The following WDR47 variants were observed in gnomAD, a reference collection of about 807,000 sequenced individuals.
WDR47 encodes the protein WD repeat domain 47.
Under a neutral mutation model 97.2 loss-of-function variants are expected in WDR47, and 32 were observed. The ratio of observed to expected loss-of-function variants is 0.33; its 90% CI spans 0.25 to 0.44. The LOEUF is 0.44. Ranked by LOEUF, WDR47 falls within the 20% of genes least tolerant of loss-of-function variation. WDR47 has a pLI of 1.00. For missense variants in WDR47, 782 were observed against 1,102.3 expected, an observed-to-expected ratio of 0.71 and a Z score of 4.11; for synonymous variants, 375 against 373.5, an observed-to-expected ratio of 1.00 and a Z score of -0.05.
At chr1:109,012,288 C>A (rs17838315) in intron 4 of WDR47, among the ~76,000 whole-genome samples, 5,577 of 151,968 alleles carry the variant, frequency 0.037, 122 homozygotes, top group Admixed American at 0.057. Context: ...GATAGAAAGT[C>A]AAGAAAAGGG....
chr1:109,037,621 C>T (rs1327025355), intron 1 of WDR47, among the ~76,000 whole-genome samples: 10 of 128,512 alleles, frequency 7.8e-5, no homozygotes, highest in African/African-American at 1.6e-4. Context: ...AGCGAGACCT[C>T]GTCTCAAAAA....
chr1:109,015,158 G>A (rs569981299), intron 3 of WDR47, among the ~76,000 whole-genome samples: 79 of 152,174 alleles, frequency 5.2e-4, no homozygotes, highest in African/African-American at 1.6e-3. Flanking sequence ...ATGTACAAAC[G>A]CAAAGAAATA....
intron 2 of WDR47, among the ~76,000 whole-genome samples, chr1:109,021,233 T>C (rs554113730): frequency 1.3e-5 from 2 of 152,226 alleles, no homozygotes; most frequent in East Asian, 1.9e-4. Flanking sequence ...ATCCAATATA[T>C]AGAAAAAGTC....
chr1:109,036,694 G>C (rs1357651948), intron 1 of WDR47, among the ~76,000 whole-genome samples: 1 of 151,822 alleles, frequency 6.6e-6, no homozygotes, highest in African/African-American at 2.4e-5. Flanking sequence ...AAATTAGCTG[G>C]GCGTGGTGGC....
chr1:108,978,286 T>C (rs888859561), intron 13 of WDR47, among the ~76,000 whole-genome samples: 1 of 151,540 alleles, frequency 6.6e-6, no homozygotes, highest in Non-Finnish European at 1.5e-5. Context: ...CCATCCTGGC[T>C]AACATGGTGA....
At chr1:108,995,284 A>G (rs2101876491) in intron 8 of WDR47, among the ~76,000 whole-genome samples, 1 of 152,360 alleles carries the variant, frequency 6.6e-6, no homozygotes, top group East Asian at 1.9e-4. Context: ...AAAAAAGAAA[A>G]TCAAGATTTA....
chr1:109,028,802 A>G (rs988387840), intron 1 of WDR47, among the ~76,000 whole-genome samples: 2 of 152,048 alleles, frequency 1.3e-5, no homozygotes, highest in African/African-American at 2.4e-5. Flanking sequence ...AATTAATTTA[A>G]TATGTATTTA....
At chr1:109,010,330 G>A (rs1187328032) in intron 5 of WDR47, among the ~76,000 whole-genome samples, 1 of 152,194 alleles carries the variant, frequency 6.6e-6, no homozygotes, top group Non-Finnish European at 1.5e-5. Flanking sequence ...GCCAAGGCAG[G>A]ATGATTGCTT....
At chr1:109,030,105 G>A in intron 1 of WDR47, 1 of 1,020,404 alleles carries the variant, frequency 9.8e-7, no homozygotes, top group Non-Finnish European at 1.4e-6. Context: ...CTCCCCAGAA[G>A]AAGAGAAGAA....
At chr1:109,036,410 A>G (rs1320186743) in intron 1 of WDR47, among the ~76,000 whole-genome samples, 2 of 151,914 alleles carry the variant, frequency 1.3e-5, no homozygotes, top group African/African-American at 2.4e-5. Context: ...CGTCTCTACT[A>G]AAAATACAAA....
At chr1:109,021,532 A>AC (rs1190657496) in intron 2 of WDR47, among the ~76,000 whole-genome samples, 1 of 151,620 alleles carries the variant, frequency 6.6e-6, no homozygotes, top group African/African-American at 2.4e-5. Context: ...TATCTCAAAA[A>AC]AAAAAAAAAA....
chr1:109,023,896 C>T (rs1662024758), intron 1 of WDR47, among the ~76,000 whole-genome samples: 2 of 152,158 alleles, frequency 1.3e-5, no homozygotes, highest in Non-Finnish European at 2.9e-5. Flanking sequence ...TCTACTCCTA[C>T]ATGTTTAAAA....
At chr1:109,020,410 G>A (rs554101099) in intron 2 of WDR47, among the ~76,000 whole-genome samples, 7 of 151,724 alleles carry the variant, frequency 4.6e-5, no homozygotes, top group African/African-American at 1.4e-4. Context: ...ACAGGCACCC[G>A]CCACCACGCC....
intron 6 of WDR47, 142 bp from the exon 7 acceptor site, chr1:109,002,544 A>C (rs1255357878): frequency 2.7e-6 from 2 of 729,464 alleles, no homozygotes; most frequent in Non-Finnish European, 4.1e-6. Flanking sequence ...TTGCTCTTTG[A>C]AAAACAGTAT....
intron 1 of WDR47, among the ~76,000 whole-genome samples, chr1:109,040,757 C>T (rs1480191206): frequency 1.3e-5 from 2 of 152,140 alleles, no homozygotes; most frequent in Non-Finnish European, 2.9e-5. Flanking sequence ...GGCTCTTAGG[C>T]GTTTCTCCTT....
intron 14 of WDR47, among the ~76,000 whole-genome samples, chr1:108,973,113 A>G (rs570812): frequency 0.37 from 55,421 of 151,494 alleles, 11,066 homozygotes; most frequent in African/African-American, 0.52. Context: ...TCTTCTCCTA[A>G]TATCCTGGCC....
intron 5 of WDR47, among the ~76,000 whole-genome samples, chr1:109,008,620 T>C (rs1353247172): frequency 2.0e-5 from 3 of 151,712 alleles, no homozygotes; most frequent in East Asian, 2.0e-4. Flanking sequence ...ATCATTATTA[T>C]TTTTTGAGAC....
Position 109,023,604 on chromosome 1 carries a change from G to T in WDR47, c.-9-83C>A, listed in dbSNP as rs553695233. 130 of 1,369,678 alleles carry T rather than the reference G, an allele frequency of 9.5e-5. No homozygotes were observed. The South Asian group carries it at 1.8e-3, about 19-fold the overall frequency. The allele number at this position is 1,369,678 out of a possible 1,614,324, so 84.8% of individuals were successfully genotyped here. The stretch of plus-strand genomic sequence containing the variant: ...ACTGCCTGGCAACTACACATAACAG[G>T]TTTACTGGGAATCTTTAGTACACAT... On this transcript the variant is annotated intron_variant, in intron 1 of 14. Transcript: ENST00000369962.
chr1:109,000,687 GAACA>G (rs548986702), intron 7 of WDR47, among the ~76,000 whole-genome samples: 2 of 150,670 alleles, frequency 1.3e-5, no homozygotes, highest in East Asian at 2.0e-4. Flanking sequence ...ACTCAAAAAA[GAACA>G]AACAAACAAA....
Sources: gnomAD v4.1 joint callset for allele counts (sites outside exome capture counted in the v4.1 genomes callset) on GRCh38, gnomAD v4.1.1 for gene constraint, MANE v1.5 for transcripts, NCBI Gene and HGNC (gene_info 2026-07-23, HGNC 2026-07-21) for gene names.